GRM1: variants seen among roughly 807,000 people sequenced by gnomAD.
GRM1 encodes metabotropic glutamate receptor 1.
A neutral mutation model predicts 90.9 loss-of-function variants in GRM1; 33 were observed. The ratio of observed to expected loss-of-function variants is 0.36; its 90% CI spans 0.28 to 0.49. GRM1 has a LOEUF of 0.49. Among genes scored for constraint, GRM1 ranks in the 20% least tolerant of loss-of-function variants. The probability of loss-of-function intolerance (pLI) is 0.99; values close to 1 mark genes in which losing one functional copy is unlikely to be tolerated. For synonymous variants in GRM1, 700 were observed against 613.2 expected (o/e 1.14, Z -2.09); for missense variants, 1,190 against 1,534.3 (o/e 0.78, Z 3.75).
intron 1 of GRM1, among the ~76,000 whole-genome samples, chr6:146,051,719 C>T (rs1775298839): frequency 6.6e-6 from 1 of 152,038 alleles, no homozygotes; most frequent in Admixed American, 6.6e-5. Flanking sequence ...AAAGGTTATT[C>T]CTATTTCATA....
intron 1 of GRM1, among the ~76,000 whole-genome samples, chr6:146,074,847 T>C (rs914846380): frequency 6.6e-6 from 1 of 152,198 alleles, no homozygotes; most frequent in African/African-American, 2.4e-5. Context: ...ACCATGGTTC[T>C]GTGACAAGTT....
intron 2 of GRM1, among the ~76,000 whole-genome samples, chr6:146,186,476 C>T (rs1393763334): frequency 1.3e-5 from 2 of 152,220 alleles, no homozygotes; most frequent in Non-Finnish European, 2.9e-5. Context: ...TTCTTATAAT[C>T]CCTTGCCAAA....
chr6:146,114,480 A>G (rs1775670742), intron 1 of GRM1, among the ~76,000 whole-genome samples: 1 of 152,174 alleles, frequency 6.6e-6, no homozygotes, highest in African/African-American at 2.4e-5. Flanking sequence ...TGTTACGTGC[A>G]ATTGCAAAAC....
intron 5 of GRM1, among the ~76,000 whole-genome samples, chr6:146,368,435 A>G (rs1775780235): frequency 6.6e-6 from 1 of 152,094 alleles, no homozygotes; most frequent in Admixed American, 6.6e-5. Context: ...AAAGTGGGCA[A>G]CATTACCTTA....
intron 2 of GRM1, among the ~76,000 whole-genome samples, chr6:146,270,919 TC>T (rs1782124812): frequency 2.8e-5 from 3 of 108,396 alleles, no homozygotes; most frequent in African/African-American, 1.4e-4. Context: ...CTTTCTTCCT[TC>T]CTTCCTTCCT....
At chr6:146,070,107 A>G (rs1488900640) in intron 1 of GRM1, among the ~76,000 whole-genome samples, 1 of 152,196 alleles carries the variant, frequency 6.6e-6, no homozygotes, top group Non-Finnish European at 1.5e-5. Context: ...GCCCTTGGGA[A>G]GCATAAATCT....
At chr6:146,059,964 A>G (rs1452539856) in intron 1 of GRM1, among the ~76,000 whole-genome samples, 1 of 152,188 alleles carries the variant, frequency 6.6e-6, no homozygotes, top group Non-Finnish European at 1.5e-5. Context: ...ATCCTTCCAG[A>G]TCACTAAAAC....
chr6:146,355,909 G>A (rs1024785191), intron 4 of GRM1, among the ~76,000 whole-genome samples: 7 of 152,178 alleles, frequency 4.6e-5, no homozygotes, highest in African/African-American at 1.7e-4. Context: ...CAAGCACAAA[G>A]AGCAAGAGGC....
intron 1 of GRM1, among the ~76,000 whole-genome samples, chr6:146,116,233 A>G (rs1256656072): frequency 1.3e-5 from 2 of 152,184 alleles, no homozygotes; most frequent in Non-Finnish European, 2.9e-5. Context: ...TTGGGATTAC[A>G]GGCATGAACC....
At chr6:146,280,149 TG>T (rs912112856) in intron 2 of GRM1, among the ~76,000 whole-genome samples, 4 of 152,178 alleles carry the variant, frequency 2.6e-5, no homozygotes, top group Non-Finnish European at 5.9e-5. Flanking sequence ...CCCTGAACTA[TG>T]AATTTTATTT....
chr6:146,167,385 A>C (rs144129696), intron 2 of GRM1, among the ~76,000 whole-genome samples: 1 of 152,208 alleles, frequency 6.6e-6, no homozygotes, highest in African/African-American at 2.4e-5. Context: ...TGTATTTTCA[A>C]TTCTCTTTAG....
At chr6:146,161,647 C>T (rs150641588) in intron 2 of GRM1, among the ~76,000 whole-genome samples, 99 of 152,278 alleles carry the variant, frequency 6.5e-4, no homozygotes, top group African/African-American at 2.0e-3. Flanking sequence ...CTAATAGTTA[C>T]GGTCACTGAT....
At chr6:146,117,790 A>G (rs992579714) in intron 1 of GRM1, among the ~76,000 whole-genome samples, 2 of 152,100 alleles carry the variant, frequency 1.3e-5, no homozygotes, top group Admixed American at 6.5e-5. Flanking sequence ...GAGCTTTAAC[A>G]TATTTATTTT....
intron 7 of GRM1, among the ~76,000 whole-genome samples, chr6:146,400,711 A>G (rs990626800): frequency 2.0e-5 from 3 of 152,160 alleles, no homozygotes; most frequent in Non-Finnish European, 4.4e-5. Context: ...GAAGTATCCA[A>G]AGATTAAGTC....
chr6:146,323,060 G>A (rs762003536), intron 3 of GRM1, among the ~76,000 whole-genome samples: 2 of 152,068 alleles, frequency 1.3e-5, no homozygotes, highest in East Asian at 1.9e-4. Flanking sequence ...CGCTATAAAC[G>A]TACGTGTGCA....
intron 1 of GRM1, among the ~76,000 whole-genome samples, chr6:146,040,851 C>A (rs535283147): frequency 5.3e-5 from 8 of 152,042 alleles, no homozygotes; most frequent in African/African-American, 1.9e-4. Flanking sequence ...TGCCCTTTCT[C>A]AACTCCTTCT....
chr6:146,220,707 G>A (rs1780030867), intron 2 of GRM1, among the ~76,000 whole-genome samples: 1 of 151,852 alleles, frequency 6.6e-6, no homozygotes, highest in African/African-American at 2.4e-5. Flanking sequence ...CCATAAGCTG[G>A]GAAGACAGAC....
chr6:146,084,532 T>C (rs1776477036), intron 1 of GRM1, among the ~76,000 whole-genome samples: 1 of 152,210 alleles, frequency 6.6e-6, no homozygotes, highest in Admixed American at 6.5e-5. Flanking sequence ...TAAATTTCTA[T>C]GTAATTGTGT....
At chr6:146,043,796 T>TATATAGATATATATATAG (rs577546115) in intron 1 of GRM1, among the ~76,000 whole-genome samples, 3 of 137,940 alleles carry the variant, frequency 2.2e-5, no homozygotes, top group Non-Finnish European at 4.7e-5. Context: ...TATATATATA[T>TATATAGATATATATATAG]ATATATATAT....
Sources: gnomAD v4.1 joint callset for allele counts (sites outside exome capture counted in the v4.1 genomes callset) on GRCh38, gnomAD v4.1.1 for gene constraint, MANE v1.5 for transcripts, NCBI Gene and HGNC (gene_info 2026-07-23, HGNC 2026-07-21) for gene names.